HSPA14: variants seen among roughly 807,000 people sequenced by gnomAD.
HSPA14 encodes heat shock 70 kDa protein 14.
In HSPA14, 37 loss-of-function variants were observed where a neutral mutation model predicts 65.5. That is an observed-to-expected ratio of 0.56 (90% CI 0.43 to 0.74). HSPA14 has a LOEUF of 0.74. Ranked by LOEUF, HSPA14 falls within the 30% of genes least tolerant of loss-of-function variation. The pLI is 0.00. For synonymous variants in HSPA14, 203 were observed against 214.2 expected (o/e 0.95, Z 0.46); for missense variants, 564 against 607.6 (o/e 0.93, Z 0.75).
chr10:14,864,723 C>T (rs535743447), intron 10 of HSPA14, among the ~76,000 whole-genome samples: 46 of 152,262 alleles, frequency 3.0e-4, no homozygotes, highest in African/African-American at 9.9e-4. Flanking sequence ...CCAGTCTATC[C>T]TTATCAGACA....
intron 10 of HSPA14, among the ~76,000 whole-genome samples, chr10:14,862,781 G>A (rs375027421): frequency 4.8e-4 from 73 of 152,130 alleles, no homozygotes; most frequent in African/African-American, 1.6e-3. Flanking sequence ...CCAGGCTCAG[G>A]TGATCCTCCT....
chr10:14,844,966 T>C (rs1009902102), intron 3 of HSPA14: 1 of 985,502 alleles, frequency 1.0e-6, no homozygotes, highest in Non-Finnish European at 1.2e-6. Context: ...TCAGATGTTG[T>C]AGACAGAAGT....
chr10:14,846,340 T>C, intron 3 of HSPA14: 1 of 985,380 alleles, frequency 1.0e-6, no homozygotes, highest in Non-Finnish European at 1.2e-6. Context: ...AGGGATTTCT[T>C]TGAGATGAAA....
At chr10:14,846,544 A>G (rs1417872329) in intron 3 of HSPA14, 2 of 985,246 alleles carry the variant, frequency 2.0e-6, no homozygotes, top group African/African-American at 3.5e-5. Flanking sequence ...CAAGCCAGGA[A>G]TCTGCCTATG....
rs764392598 is a variant in HSPA14, at chr10:14,854,360, TTTTG to T, written c.890+93_890+96del. 273 of 1,197,590 alleles carry T rather than the reference TTTTG, an allele frequency of 2.3e-4. 2 individuals are homozygous for T. Among genetic ancestry groups the T allele is most frequent in the East Asian group, 2.0e-3 (85 of 41,724 alleles). 74.2% of individuals were successfully genotyped at this position (1,197,590 alleles called of 1,614,324 possible). On this transcript the variant is annotated intron_variant, in intron 9 of 13. Coordinates refer to ENST00000378372, the MANE Select transcript of HSPA14 (RefSeq NM_016299.4). ...AGGTATAATTTTCTTACTTTGGGTT[TTTTG>T]TTTGTTTGTTTGAGATTTATCAACC... is the stretch of plus-strand genomic sequence containing the variant.
At chr10:14,846,338 CT>C in intron 3 of HSPA14, 1 of 985,248 alleles carries the variant, frequency 1.0e-6, no homozygotes, top group Non-Finnish European at 1.2e-6. Flanking sequence ...ACAGGGATTT[CT>C]TTGAGATGAA....
At chr10:14,862,479 A>G (rs1436097467) in intron 10 of HSPA14, among the ~76,000 whole-genome samples, 1 of 145,562 alleles carries the variant, frequency 6.9e-6, no homozygotes, top group African/African-American at 2.6e-5. Context: ...GGTTCACGCT[A>G]TTCTCCTGCC....
intron 7 of HSPA14, among the ~76,000 whole-genome samples, chr10:14,851,542 T>C (rs1448130576): frequency 1.3e-5 from 2 of 152,242 alleles, no homozygotes; most frequent in African/African-American, 2.4e-5. Flanking sequence ...TTTATGCCCT[T>C]GTCTTGTCCC....
At chr10:14,852,106 T>C (rs184023188) in intron 7 of HSPA14, among the ~76,000 whole-genome samples, 1 of 152,364 alleles carries the variant, frequency 6.6e-6, no homozygotes, top group East Asian at 1.9e-4. Flanking sequence ...TGATTTACTT[T>C]GAAAAGTTCG....
chr10:14,859,816 T>C (rs762974472), intron 10 of HSPA14, among the ~76,000 whole-genome samples: 14 of 152,388 alleles, frequency 9.2e-5, no homozygotes, highest in Middle Eastern at 3.4e-3. Flanking sequence ...TCTGAGTAGA[T>C]GTAAACCTTA....
intron 3 of HSPA14, chr10:14,844,195 A>T (rs1197353084): frequency 8.5e-7 from 1 of 1,176,682 alleles, no homozygotes; most frequent in Non-Finnish European, 1.1e-6. Context: ...TGGTTTCCTC[A>T]TCCGTAAAAT....
At position 14,840,120 on chromosome 10, in the gene HSPA14, A is replaced by G. The variant is rs774618877; in HGVS notation, c.184A>G (p.Asn62Asp). ...ACAAAGTAGAATAAGAAATATTTCA[A>G]ATACAGTAATGAAAGTAAAGCAGAT... is the stretch of plus-strand genomic sequence containing the variant. ...AKQSRIRNIS[N>D]TVMKVKQILG... Residue 62 changes from asparagine (N) to aspartate (D), a missense_variant, in exon 3 of 14, where the codon AAT (asparagine) becomes GAT (aspartate). Asn to Asp is a conservative substitution (Grantham distance 23, BLOSUM62 1). Transcript: ENST00000378372. 6.8e-7 allele frequency: 1 copy of G among 1,478,088 alleles called. No homozygotes were observed. Among genetic ancestry groups the G allele is most frequent in the South Asian group, 1.5e-5 (1 of 64,726 alleles). The allele number at this position is 1,478,088 out of a possible 1,614,324, so 91.6% of individuals were successfully genotyped here.
chr10:14,857,216 C>G (rs1588815156), intron 10 of HSPA14, among the ~76,000 whole-genome samples: 1 of 152,274 alleles, frequency 6.6e-6, no homozygotes, highest in African/African-American at 2.4e-5. Context: ...GTTTTTTCCT[C>G]CCCTGTAAGA....
chr10:14,846,664 C>A, intron 3 of HSPA14: 4 of 940,388 alleles, frequency 4.3e-6, no homozygotes, highest in Non-Finnish European at 5.1e-6. Flanking sequence ...TCCTACCTAC[C>A]TCACAGGGGT....
chr10:14,854,011 C>A, intron 8 of HSPA14, 114 bp from the exon 9 acceptor site: 2 of 1,074,990 alleles, frequency 1.9e-6, no homozygotes, highest in Non-Finnish European at 2.6e-6. Context: ...AGCCACCGCA[C>A]CCGGCCTGAT....
chr10:14,839,686 G>T (rs1333872004), intron 1 of HSPA14, among the ~76,000 whole-genome samples: 2 of 152,114 alleles, frequency 1.3e-5, no homozygotes, highest in Admixed American at 1.3e-4. Context: ...TGATTCAATT[G>T]TTGACTTTGC....
At chr10:14,853,898 T>G (rs1364361876) in intron 8 of HSPA14, among the ~76,000 whole-genome samples, 1 of 152,128 alleles carries the variant, frequency 6.6e-6, no homozygotes, top group Non-Finnish European at 1.5e-5. Context: ...TTTGTATTTT[T>G]AGTAGAGATG....
intron 6 of HSPA14, chr10:14,851,014 G>C: frequency 2.2e-6 from 1 of 458,032 alleles, no homozygotes; most frequent in South Asian, 3.2e-5. Flanking sequence ...TATGGGCTCT[G>C]AACATTACAA....
intron 4 of HSPA14, 36 bp from the exon 5 acceptor site, chr10:14,848,754 A>T: frequency 6.9e-7 from 1 of 1,443,750 alleles, no homozygotes. Context: ...TTTATTAAAA[A>T]TTATTTATTT....
Sources: allele counts gnomAD v4.1 joint callset (sites outside exome capture counted in the v4.1 genomes callset), GRCh38; gene constraint gnomAD v4.1.1; transcripts MANE v1.5; gene names NCBI Gene and HGNC (gene_info 2026-07-23, HGNC 2026-07-21).